Variants in MGAT4C observed in about 807,000 individuals in gnomAD.
MGAT4C encodes the protein alpha-1,3-mannosyl-glycoprotein 4-beta-N-acetylglucosaminyltransferase C.
A neutral mutation model predicts 40.1 loss-of-function variants in MGAT4C; 19 were observed. The ratio of observed to expected loss-of-function variants is 0.47; its 90% CI spans 0.33 to 0.70. MGAT4C has a LOEUF of 0.70. Among genes scored for constraint, MGAT4C ranks in the 30% least tolerant of loss-of-function variants. MGAT4C has a pLI of 0.02. For synonymous variants in MGAT4C, 181 were observed against 187.1 expected (o/e 0.97, Z 0.27); for missense variants, 491 against 563.2 (o/e 0.87, Z 1.30).
intron 1 of MGAT4C, among the ~76,000 whole-genome samples, chr12:86,750,343 G>T (rs567445278): frequency 7.9e-5 from 12 of 151,882 alleles, no homozygotes; most frequent in South Asian, 6.2e-4. Flanking sequence ...TGTACTGTAT[G>T]GTGTCTTAAA....
chr12:86,653,300 T>G (rs982709579), intron 2 of MGAT4C, among the ~76,000 whole-genome samples: 3 of 151,904 alleles, frequency 2.0e-5, no homozygotes, highest in Non-Finnish European at 4.4e-5. Context: ...ATACTCAGGT[T>G]GGCAATAACT....
chr12:86,454,534 T>G (rs1466299092), intron 2 of MGAT4C, among the ~76,000 whole-genome samples: 1 of 152,070 alleles, frequency 6.6e-6, no homozygotes. Context: ...GCCTCATATA[T>G]GTAACTATAT....
chr12:86,600,828 T>A (rs2136459143), intron 2 of MGAT4C, among the ~76,000 whole-genome samples: 1 of 152,320 alleles, frequency 6.6e-6, no homozygotes, highest in African/African-American at 2.4e-5. Flanking sequence ...GACTCCGGCA[T>A]CCCTGTACTC....
intron 2 of MGAT4C, among the ~76,000 whole-genome samples, chr12:86,028,776 G>A (rs2136895979): frequency 6.6e-6 from 1 of 151,980 alleles, no homozygotes. Context: ...TATAAAGATT[G>A]GGGGTAGGAT....
At chr12:86,644,496 T>C (rs541605801) in intron 2 of MGAT4C, among the ~76,000 whole-genome samples, 1 of 151,832 alleles carries the variant, frequency 6.6e-6, no homozygotes, top group Non-Finnish European at 1.5e-5. Context: ...TGATGGAAGT[T>C]CAAATTTGTA....
intron 1 of MGAT4C, among the ~76,000 whole-genome samples, chr12:86,153,948 A>G (rs897082577): frequency 1.3e-5 from 2 of 152,302 alleles, no homozygotes; most frequent in South Asian, 4.1e-4. Flanking sequence ...AATTAACTTT[A>G]TACCAAAAAA....
chr12:86,093,444 T>G (rs1015737239), intron 1 of MGAT4C, among the ~76,000 whole-genome samples: 2 of 152,102 alleles, frequency 1.3e-5, no homozygotes, highest in African/African-American at 4.8e-5. Flanking sequence ...AAGGCCCTTT[T>G]AAAGCCAGGT....
chr12:86,590,193 G>A (rs940604935), intron 2 of MGAT4C, among the ~76,000 whole-genome samples: 9 of 151,008 alleles, frequency 6.0e-5, no homozygotes, highest in Admixed American at 1.3e-4. Context: ...CTACAGCCGC[G>A]ATTCTCTAAT....
chr12:86,128,124 G>C (rs964376206), intron 1 of MGAT4C, among the ~76,000 whole-genome samples: 3 of 152,182 alleles, frequency 2.0e-5, no homozygotes, highest in African/African-American at 2.4e-5. Flanking sequence ...CATGAGGAAT[G>C]CTTGTCGTTC....
At chr12:86,499,709 T>C (rs1053748263) in intron 2 of MGAT4C, among the ~76,000 whole-genome samples, 2 of 151,960 alleles carry the variant, frequency 1.3e-5, no homozygotes, top group Non-Finnish European at 2.9e-5. Flanking sequence ...ATTCTAGTTA[T>C]CACAATTCAT....
intron 2 of MGAT4C, among the ~76,000 whole-genome samples, chr12:86,035,101 G>A (rs1891107941): frequency 6.7e-6 from 1 of 149,866 alleles, no homozygotes; most frequent in Non-Finnish European, 1.5e-5. Context: ...CCCAGTAATG[G>A]GATTGCTGGG....
chr12:86,214,599 C>A (rs543100722), intron 1 of MGAT4C, among the ~76,000 whole-genome samples: 1 of 152,232 alleles, frequency 6.6e-6, no homozygotes, highest in African/African-American at 2.4e-5. Flanking sequence ...AGGTGGCCAG[C>A]CTCTTGCTGT....
chr12:86,039,972 A>G (rs1891641382), intron 2 of MGAT4C, among the ~76,000 whole-genome samples: 1 of 152,198 alleles, frequency 6.6e-6, no homozygotes, highest in African/African-American at 2.4e-5. Context: ...TCCTTCTCAC[A>G]GTCACATCCT....
intron 2 of MGAT4C, among the ~76,000 whole-genome samples, chr12:86,442,335 G>T (rs972642381): frequency 2.6e-5 from 4 of 152,158 alleles, no homozygotes; most frequent in Admixed American, 1.3e-4. Flanking sequence ...CTGTGCAGAA[G>T]CTCTTTAGTT....
chr12:86,698,779 TC>T (rs1950304722), intron 2 of MGAT4C, among the ~76,000 whole-genome samples: 1 of 152,144 alleles, frequency 6.6e-6, no homozygotes, highest in African/African-American at 2.4e-5. Flanking sequence ...AGGAATGAAT[TC>T]ATTCTGATCA....
intron 1 of MGAT4C, among the ~76,000 whole-genome samples, chr12:86,191,751 G>GGT (rs570173863): frequency 0.05 from 4,933 of 98,522 alleles, 159 homozygotes; most frequent in African/African-American, 0.08. Context: ...AGGAGATAAA[G>GGT]GTGTGTGTGT....
intron 2 of MGAT4C, among the ~76,000 whole-genome samples, chr12:86,616,269 C>T (rs1243394201): frequency 6.6e-6 from 1 of 151,996 alleles, no homozygotes; most frequent in Admixed American, 6.6e-5. Context: ...GGCTTCTTTC[C>T]CTTTATACTT....
In MGAT4C at chr12:86,171,543, G is replaced by A. The variant is rs536317835; in HGVS notation, c.-57+84696C>T. Among the ~76,000 whole-genome samples, 7 of 152,164 alleles carry A rather than the reference G, an allele frequency of 4.6e-5. No homozygotes were observed. In the East Asian group the frequency reaches 1.4e-3, roughly 29 times the overall value. ...ATGGCTCATTAAAACAAGCATAACAGGAGTTTATAATTTCCATTTAATAGA... is the reference window on the plus strand; with the variant it reads ...ATGGCTCATTAAAACAAGCATAACAAGAGTTTATAATTTCCATTTAATAGA... On this transcript the variant is annotated intron_variant, in intron 1 of 4. Transcript: ENST00000611864.
At chr12:86,329,266 G>A (rs1025742574) in intron 4 of MGAT4C, among the ~76,000 whole-genome samples, 5 of 150,368 alleles carry the variant, frequency 3.3e-5, no homozygotes, top group East Asian at 4.0e-4. Context: ...AAATTTGGCC[G>A]GGCGTGGTGG....
Sources: gnomAD v4.1 joint callset for allele counts (sites outside exome capture counted in the v4.1 genomes callset) on GRCh38, gnomAD v4.1.1 for gene constraint, MANE v1.5 for transcripts, NCBI Gene and HGNC (gene_info 2026-07-23, HGNC 2026-07-21) for gene names.